Variants in TENT5D observed in about 807,000 individuals in gnomAD.
TENT5D encodes cancer/testis antigen 112.
For missense variants in TENT5D, 191 were observed against 287.0 expected (o/e 0.67, Z 2.42); for synonymous variants, 103 against 100.6 (o/e 1.02, Z -0.15).
intron 2 of TENT5D, among the ~76,000 whole-genome samples, 191 bp from the exon 3 acceptor site, chrX:80,442,331 A>G (rs1932300179): frequency 8.9e-6 from 1 of 112,186 alleles, no homozygotes; most frequent in South Asian, 3.6e-4. Flanking sequence ...TGTATCTAAC[A>G]TCTTTGACAT....
intron 3 of TENT5D, among the ~76,000 whole-genome samples, chrX:80,348,337 T>C (rs1930108841): frequency 8.9e-6 from 1 of 111,870 alleles, no homozygotes; most frequent in African/African-American, 3.3e-5. Flanking sequence ...TCCTCTCTTA[T>C]TTCCTTGAGC....
At chrX:80,436,676 T>G (rs1226193131) in intron 1 of TENT5D, among the ~76,000 whole-genome samples, 2 of 111,407 alleles carry the variant, frequency 1.8e-5, no homozygotes, top group Non-Finnish European at 3.8e-5. Context: ...TTGCTGAGAA[T>G]GATGGTTTCC....
At chrX:80,441,580 GATTT>G (rs907688584) in intron 2 of TENT5D, among the ~76,000 whole-genome samples, 5 of 111,100 alleles carry the variant, frequency 4.5e-5, no homozygotes, top group Non-Finnish European at 9.5e-5. Flanking sequence ...TACTTTCCTA[GATTT>G]ATTTGTTTAG....
At chrX:80,424,989 C>A (rs1931961944) in intron 1 of TENT5D, among the ~76,000 whole-genome samples, 1 of 112,494 alleles carries the variant, frequency 8.9e-6, no homozygotes, top group Admixed American at 9.4e-5. Flanking sequence ...AGATTAAGAA[C>A]CCTGTACAGG....
chrX:80,409,771 A>C (rs1225024843), intron 3 of TENT5D, among the ~76,000 whole-genome samples: 1 of 105,703 alleles, frequency 9.5e-6, no homozygotes, highest in African/African-American at 3.5e-5. Context: ...GGAACCAAAA[A>C]AGAGCCCGCA....
chrX:80,359,362 G>T (rs1297000341), intron 3 of TENT5D, among the ~76,000 whole-genome samples: 1 of 111,912 alleles, frequency 8.9e-6, no homozygotes, highest in Non-Finnish European at 1.9e-5. Context: ...TATGTTTATT[G>T]CAGCACTGTT....
rs769418079 is a variant in TENT5D at position 80,366,845 on chromosome X, A to C, written c.-142+24281A>C. 3.6e-5 allele frequency among the ~76,000 whole-genome samples: 4 copies of C among 111,782 alleles called. No homozygotes were observed. The East Asian group carries it at 1.1e-3, about 31-fold the overall frequency. On this transcript the variant is annotated intron_variant, in intron 3 of 4. Coordinates refer to the TENT5D transcript ENST00000538312. ...CTCCAAGACTATCATATTTTCTACTATACAATTCTGCTTTTAATCTTTATT... is the reference window on the plus strand; with the variant it reads ...CTCCAAGACTATCATATTTTCTACTCTACAATTCTGCTTTTAATCTTTATT...
intron 3 of TENT5D, among the ~76,000 whole-genome samples, chrX:80,408,539 C>T (rs1446289826): frequency 1.8e-5 from 2 of 109,767 alleles, no homozygotes; most frequent in East Asian, 5.7e-4. Context: ...TCTCCCAAGA[C>T]TAAACCAGGA....
chrX:80,417,174 T>G (rs1044338156), upstream of TENT5D, among the ~76,000 whole-genome samples: 6 of 111,642 alleles, frequency 5.4e-5, no homozygotes, highest in Non-Finnish European at 1.1e-4. Flanking sequence ...TCTTCATCTG[T>G]TTTCTTTGAG....
chrX:80,422,025 A>G (rs1316544023), intron 1 of TENT5D, among the ~76,000 whole-genome samples: 1 of 111,375 alleles, frequency 9.0e-6, no homozygotes, highest in Non-Finnish European at 1.9e-5. Flanking sequence ...AAAAAAAGGG[A>G]AAATAGTTTT....
intron 3 of TENT5D, among the ~76,000 whole-genome samples, chrX:80,405,477 CAAAG>C (rs1371936576): frequency 5.3e-5 from 6 of 112,648 alleles, no homozygotes; most frequent in African/African-American, 9.7e-5. Flanking sequence ...CTTTCTCAGT[CAAAG>C]AAAGCGGTGA....
chrX:80,356,655 C>T (rs983764471), intron 3 of TENT5D, among the ~76,000 whole-genome samples: 5 of 111,418 alleles, frequency 4.5e-5, no homozygotes, highest in East Asian at 2.8e-4. Flanking sequence ...AAAGAACTTA[C>T]GATACCAATA....
At chrX:80,361,320 A>C (rs1446822834) in intron 3 of TENT5D, among the ~76,000 whole-genome samples, 2 of 111,991 alleles carry the variant, frequency 1.8e-5, no homozygotes, top group African/African-American at 6.5e-5. Context: ...GGTCCAGAAA[A>C]TGTTATGACC....
intron 3 of TENT5D, among the ~76,000 whole-genome samples, chrX:80,413,349 G>A (rs1602215237): frequency 1.8e-5 from 2 of 111,664 alleles, no homozygotes; most frequent in African/African-American, 6.5e-5. Flanking sequence ...AGACATATTC[G>A]ACATGTAGTT....
chrX:80,410,988 G>A (rs1266410251), intron 3 of TENT5D, among the ~76,000 whole-genome samples: 14 of 104,211 alleles, frequency 1.3e-4, no homozygotes, highest in African/African-American at 3.9e-4. Flanking sequence ...GTAAACTATC[G>A]CAAGAACAAA....
chrX:80,352,633 C>A (rs1201455505), intron 3 of TENT5D, among the ~76,000 whole-genome samples: 1 of 106,293 alleles, frequency 9.4e-6, no homozygotes, highest in Non-Finnish European at 1.9e-5. Context: ...GACCACGTGG[C>A]TCCCTGGCTT....
intron 2 of TENT5D, among the ~76,000 whole-genome samples, chrX:80,440,441 A>G (rs1932261983): frequency 9.0e-6 from 1 of 110,868 alleles, no homozygotes; most frequent in Non-Finnish European, 1.9e-5. Flanking sequence ...TCTCTTGATC[A>G]AGGACTTCTG....
chrX:80,349,956 C>T (rs1348077144), intron 3 of TENT5D, among the ~76,000 whole-genome samples: 1 of 111,195 alleles, frequency 9.0e-6, no homozygotes, highest in African/African-American at 3.3e-5. Context: ...TGTAGTTGTG[C>T]AGTTTTGAGT....
intron 3 of TENT5D, among the ~76,000 whole-genome samples, chrX:80,397,021 G>T (rs1449397793): frequency 8.5e-5 from 8 of 94,152 alleles, no homozygotes; most frequent in Non-Finnish European, 1.3e-4. Flanking sequence ...CGTCTGGCCG[G>T]GGGGGGGGCT....
Sources: gnomAD v4.1 joint callset for allele counts (sites outside exome capture counted in the v4.1 genomes callset) on GRCh38, gnomAD v4.1.1 for gene constraint, MANE v1.5 for transcripts, NCBI Gene and HGNC (gene_info 2026-07-23, HGNC 2026-07-21) for gene names.